The following ZDHHC7 variants were observed in gnomAD, a reference collection of about 807,000 sequenced individuals.
ZDHHC7 encodes zDHHC palmitoyltransferase 7.
In ZDHHC7, 12 loss-of-function variants were observed where a neutral mutation model predicts 34.1. That is an observed-to-expected ratio of 0.35 (90% CI 0.23 to 0.57). The LOEUF is 0.57. Ranked by LOEUF, ZDHHC7 falls within the 20% of genes least tolerant of loss-of-function variation. ZDHHC7 has a pLI of 0.84. For synonymous variants in ZDHHC7, 185 were observed against 155.4 expected, an observed-to-expected ratio of 1.19 and a Z score of -1.42; for missense variants, 388 against 402.7, an observed-to-expected ratio of 0.96 and a Z score of 0.31.
intron 3 of ZDHHC7, among the ~76,000 whole-genome samples, chr16:84,982,869 G>T (rs1298147580): frequency 6.6e-6 from 1 of 152,262 alleles, no homozygotes; most frequent in Non-Finnish European, 1.5e-5. Flanking sequence ...TGAGCTGCTG[G>T]TAAGGGGCAG....
At chr16:85,027,462 C>G in the ZDHHC7 span, among the ~76,000 whole-genome samples, 1 of 152,182 alleles carries the variant, frequency 6.6e-6, no homozygotes, top group African/African-American at 2.4e-5. Context: ...TGGCGCTTCC[C>G]ATGCCCCCAA....
chr16:85,003,944 C>T lies in ZDHHC7; in HGVS notation c.-104+7342G>A, dbSNP rs138004981. On this transcript the variant is annotated intron_variant, in intron 1 of 7. Coordinates refer to ENST00000313732, the MANE Select transcript of ZDHHC7 (RefSeq NM_017740.3). ...CCTCCACCCATGTAAACGCCGGGAGCACCCGGGCTTAGTCCTCGGCCTTCC... is the reference window on the plus strand; with the variant it reads ...CCTCCACCCATGTAAACGCCGGGAGTACCCGGGCTTAGTCCTCGGCCTTCC... 2.8e-3 allele frequency among the ~76,000 whole-genome samples: 425 copies of T among 152,274 alleles called. 2 individuals are homozygous for T. Among genetic ancestry groups the T allele is most frequent in the African/African-American group, 9.7e-3 (402 of 41,546 alleles).
rs553782433 is a variant in ZDHHC7, at chr16:84,976,247, T to C, written c.*96A>G. Reference sequence around the variant, plus strand: ...AGCAATTGGTTTGTGTAGGTTCCAGTTGCCCTGTTGGTCACAGATGAGCTG... The same window carrying C: ...AGCAATTGGTTTGTGTAGGTTCCAGCTGCCCTGTTGGTCACAGATGAGCTG... On this transcript the variant is annotated 3_prime_UTR_variant, in exon 8 of 8. Coordinates refer to ENST00000313732, the MANE Select transcript of ZDHHC7 (RefSeq NM_017740.3). 4.7e-6 allele frequency: 7 copies of C among 1,484,552 alleles called. No homozygotes were observed. The South Asian group carries it at 7.3e-5, about 16-fold the overall frequency. 92.0% of individuals were successfully genotyped at this position (1,484,552 alleles called of 1,614,324 possible).
intron 1 of ZDHHC7, among the ~76,000 whole-genome samples, chr16:84,998,778 G>A (rs1269741708): frequency 7.1e-6 from 1 of 141,092 alleles, no homozygotes; most frequent in African/African-American, 2.7e-5. Context: ...TTTTGAGATG[G>A]AGTCTCACTC....
At chr16:85,012,031 T>A (rs539736341), upstream of ZDHHC7, among the ~76,000 whole-genome samples, 7 of 152,316 alleles carry the variant, frequency 4.6e-5, no homozygotes. Flanking sequence ...ACTTGGACAC[T>A]AGAGCACCGC....
At chr16:85,018,342 G>A in the ZDHHC7 span, among the ~76,000 whole-genome samples, 6 of 152,276 alleles carry the variant, frequency 3.9e-5, no homozygotes, top group Non-Finnish European at 7.4e-5. Context: ...GAAGGGAAGG[G>A]AGCGTGGGGG....
intron 4 of ZDHHC7, among the ~76,000 whole-genome samples, chr16:84,981,444 T>C (rs1328100015): frequency 6.6e-6 from 1 of 152,230 alleles, no homozygotes; most frequent in Non-Finnish European, 1.5e-5. Context: ...CAACAGCCTC[T>C]CTGGCTGGCT....
At chr16:84,990,694 A>T (rs987981304) in intron 2 of ZDHHC7, 59 bp from the exon 3 acceptor site, 30 of 1,420,162 alleles carry the variant, frequency 2.1e-5, no homozygotes, top group Non-Finnish European at 2.9e-5. Flanking sequence ...GCTACCTTAA[A>T]TATGATGTGT....
intron 1 of ZDHHC7, among the ~76,000 whole-genome samples, chr16:85,007,198 T>G (rs2072728808): frequency 6.6e-6 from 1 of 151,722 alleles, no homozygotes; most frequent in South Asian, 2.1e-4. Context: ...CCAAGGCAGG[T>G]GGATCACCTG....
At chr16:85,015,393 G>A (rs943552559), upstream of ZDHHC7, among the ~76,000 whole-genome samples, 5 of 152,038 alleles carry the variant, frequency 3.3e-5, no homozygotes, top group African/African-American at 9.7e-5. Flanking sequence ...GAGCCACCAC[G>A]CACGGCCTCA....
chr16:85,006,222 AGTGGTACACAGCT>A (rs1403077188), intron 1 of ZDHHC7, among the ~76,000 whole-genome samples: 1 of 152,042 alleles, frequency 6.6e-6, no homozygotes, highest in Non-Finnish European at 1.5e-5. Context: ...AGCTGGGCGC[AGTGGTACACAGCT>A]GTAGTCCCAG....
intron 1 of ZDHHC7, among the ~76,000 whole-genome samples, chr16:85,009,930 G>C (rs2072768520): frequency 6.6e-6 from 1 of 151,682 alleles, no homozygotes; most frequent in African/African-American, 2.4e-5. Context: ...GGATGGTCTC[G>C]ATCTCCCGAC....
At chr16:85,017,360 A>C in the ZDHHC7 span, among the ~76,000 whole-genome samples, 33 of 152,280 alleles carry the variant, frequency 2.2e-4, no homozygotes, top group African/African-American at 7.2e-4. Context: ...AACACCACCA[A>C]GGGTTGGCCA....
intron 3 of ZDHHC7, among the ~76,000 whole-genome samples, chr16:84,984,475 C>G (rs2072411391): frequency 6.6e-6 from 1 of 152,066 alleles, no homozygotes; most frequent in Admixed American, 6.6e-5. Context: ...CTCCAAACAC[C>G]GTAATTTTAT....
the ZDHHC7 span, among the ~76,000 whole-genome samples, chr16:85,022,538 GAGA>G: frequency 6.6e-6 from 1 of 151,960 alleles, no homozygotes; most frequent in Admixed American, 6.6e-5. Flanking sequence ...TAAGAAGAAG[GAGA>G]AGAAGACAAC....
At chr16:84,979,471 T>C (rs1002389496) in intron 4 of ZDHHC7, 186 bp from the exon 5 acceptor site, 49 of 643,376 alleles carry the variant, frequency 7.6e-5, no homozygotes, top group Non-Finnish European at 9.3e-5. Context: ...TTCCGTTTCC[T>C]AAGGAAAATA....
rs1400714746 is a variant in ZDHHC7, at chr16:84,993,019, A to G, written c.-17-2384T>C. Among the ~76,000 whole-genome samples the G allele has an allele frequency of 2.0e-5, 3 of 152,196 alleles. No individual in the cohort carries two copies. The East Asian group carries it at 5.8e-4, about 29-fold the overall frequency. ...GTCAGTAAAATAGCCCTATTTTTCA[A>G]TCAGATAAAAGCAGCTTTAAAAAAT... is the stretch of plus-strand genomic sequence containing the variant. On this transcript the variant is annotated intron_variant, in intron 2 of 7. Coordinates refer to ENST00000313732, the MANE Select transcript of ZDHHC7 (RefSeq NM_017740.3).
At chr16:84,986,496 G>A (rs1337468300) in intron 3 of ZDHHC7, among the ~76,000 whole-genome samples, 1 of 152,200 alleles carries the variant, frequency 6.6e-6, no homozygotes, top group Non-Finnish European at 1.5e-5. Context: ...GCATCCACGG[G>A]GCTGGCATTG....
chr16:84,979,952 T>A (rs1269172073), intron 4 of ZDHHC7, among the ~76,000 whole-genome samples: 3 of 31,246 alleles, frequency 9.6e-5, no homozygotes, highest in African/African-American at 2.2e-4. Flanking sequence ...GCGTCACCTT[T>A]TTTTTTTTTT....
Sources: gnomAD v4.1 joint callset for allele counts (sites outside exome capture counted in the v4.1 genomes callset) on GRCh38, gnomAD v4.1.1 for gene constraint, MANE v1.5 for transcripts, NCBI Gene and HGNC (gene_info 2026-07-23, HGNC 2026-07-21) for gene names.